The following PCDHGB4 variants were observed in gnomAD, a reference collection of about 807,000 sequenced individuals.
The protein encoded by PCDHGB4 is protocadherin gamma subfamily B, 4.
Under a neutral mutation model 60.5 loss-of-function variants are expected in PCDHGB4, and 38 were observed. The observed-to-expected ratio is 0.63, with a 90% CI of 0.48 to 0.82. The LOEUF (loss-of-function observed/expected upper bound fraction) is 0.82, where lower values mean the gene tolerates loss of function less well. PCDHGB4 is among the 40% of genes least tolerant of loss of function. The pLI, the probability that PCDHGB4 is intolerant of heterozygous loss-of-function variation, is 0.00. For synonymous variants in PCDHGB4, 456 were observed against 509.7 expected (o/e 0.89, Z 1.42); for missense variants, 1,109 against 1,209.6 (o/e 0.92, Z 1.23).
intron 1 of PCDHGB4, chr5:141,404,805 C>T (rs770534822): frequency 1.7e-5 from 28 of 1,613,842 alleles, no homozygotes; most frequent in Admixed American, 6.7e-5. Context: ...GGGCTCTTCT[C>T]GGTGGGGCTG....
At position 141,489,728 on chromosome 5, in the gene PCDHGB4, G is replaced by T; in HGVS notation, c.2398-5079G>T. ...GACAGTGCCCAGGATCCGGATGTGGGCACCAATACTGTGAGCTTTTACACT... is the reference window on the plus strand; with the variant it reads ...GACAGTGCCCAGGATCCGGATGTGGTCACCAATACTGTGAGCTTTTACACT... On this transcript the variant is annotated intron_variant, in intron 1 of 3. Transcript: ENST00000519479. The surrounding 1 kb of genome is among the most constrained non-coding windows in gnomAD (Gnocchi z 4.5). The T allele has an allele frequency of 3.1e-6, 5 of 1,614,138 alleles. No homozygotes were observed. The South Asian group carries it at 5.5e-5, about 18-fold the overall frequency.
chr5:141,423,923 G>A (rs2096790975), intron 1 of PCDHGB4: 2 of 1,254,626 alleles, frequency 1.6e-6, no homozygotes, highest in African/African-American at 1.6e-5. Flanking sequence ...CAACTATGCT[G>A]GTTTGGTTTG....
At chr5:141,502,782 T>C (rs1200280465) in intron 2 of PCDHGB4, among the ~76,000 whole-genome samples, 1 of 152,132 alleles carries the variant, frequency 6.6e-6, no homozygotes, top group African/African-American at 2.4e-5. Context: ...GAAAATTACC[T>C]GGATGATTTC....
Position 141,478,516 on chromosome 5 carries a change from G to A in PCDHGB4, c.2398-16291G>A, listed in dbSNP as rs769702987. The A allele has an allele frequency of 4.3e-6, 7 of 1,610,992 alleles. No homozygotes were observed. In the African/African-American group the frequency reaches 8.0e-5, roughly 18 times the overall value. ...GTGATCCGGTGTTCTATAGGCAGGT[G>A]TTGGGTGCAGAGAGCGCCCCTCCCG... On this transcript the variant is annotated intron_variant, in intron 1 of 3. Transcript: ENST00000519479.
intron 1 of PCDHGB4, chr5:141,399,651 G>A (rs1561671286): frequency 1.2e-6 from 2 of 1,613,738 alleles, no homozygotes; most frequent in Non-Finnish European, 1.7e-6. Flanking sequence ...CGCAAAGTGG[G>A]GTGGTGTTCG....
Position 141,486,277 on chromosome 5 carries a change from G to A in PCDHGB4, c.2398-8530G>A, listed in dbSNP as rs1156704202. 6.2e-7 allele frequency: 1 copy of A among 1,614,020 alleles called. No individual in the cohort carries two copies. The highest frequency in any genetic ancestry group is 1.1e-5 in the South Asian group (1 of 91,056). ...CCGAGAGTGCAGAACCTGGCACTGT[G>A]GTGGCACTTATCAGTGTGCAGGATC... On this transcript the variant is annotated intron_variant, in intron 1 of 3. Transcript: ENST00000519479. The surrounding 1 kb of genome is among the most constrained non-coding windows in gnomAD (Gnocchi z 5.0).
chr5:141,497,413 T>A (rs572922456), intron 2 of PCDHGB4, among the ~76,000 whole-genome samples: 1 of 151,928 alleles, frequency 6.6e-6, no homozygotes, highest in African/African-American at 2.4e-5. Context: ...TCCCATTCCA[T>A]CAAATGAGAG....
At position 141,489,425 on chromosome 5, in the gene PCDHGB4, G is replaced by C. The variant is rs779739693; in HGVS notation, c.2398-5382G>C. On this transcript the variant is annotated intron_variant, in intron 1 of 3. Transcript: ENST00000519479. This position sits in a 1 kb window ranked among gnomAD's most constrained non-coding sequence, Gnocchi z 4.5. ...TTAAAGATGACAGATCTGTTGAGCC[G>C]GCGGCTGCAATTGGGCTCTGAGGAG... The C allele has an allele frequency of 4.3e-6, 7 of 1,614,118 alleles. No individual in the cohort carries two copies. The highest frequency in any genetic ancestry group is 1.1e-5 in the South Asian group (1 of 91,070).
chr5:141,483,444 T>C (rs956913442), intron 1 of PCDHGB4, among the ~76,000 whole-genome samples: 1 of 152,108 alleles, frequency 6.6e-6, no homozygotes, highest in African/African-American at 2.4e-5. Context: ...TACAATAAAA[T>C]CATCAGGACT....
At chr5:141,418,917 C>T in intron 1 of PCDHGB4, 1 of 1,613,988 alleles carries the variant, frequency 6.2e-7, no homozygotes, top group Non-Finnish European at 8.5e-7. Context: ...ACGTCACTCT[C>T]TGATCAGATT....
chr5:141,462,959 G>A lies in PCDHGB4; in HGVS notation c.2398-31848G>A, dbSNP rs188938907. 5.1e-3 allele frequency among the ~76,000 whole-genome samples: 776 copies of A among 152,188 alleles called. 5 individuals are homozygous for A. Among genetic ancestry groups the A allele is most frequent in the Non-Finnish European group, 8.2e-3 (557 of 67,994 alleles). On this transcript the variant is annotated intron_variant, in intron 1 of 3. Transcript: ENST00000519479. ...AAGGCTTGTTTTTAAGCTTTGTTAGGACAGGTCTGTAGTAACTTTTGCCTT... is the reference window on the plus strand; with the variant it reads ...AAGGCTTGTTTTTAAGCTTTGTTAGAACAGGTCTGTAGTAACTTTTGCCTT...
intron 1 of PCDHGB4, chr5:141,409,257 T>C: frequency 6.2e-7 from 1 of 1,614,022 alleles, no homozygotes; most frequent in Non-Finnish European, 8.5e-7. Flanking sequence ...ATCACTTCTC[T>C]CTCTGATCAG....
At chr5:141,481,220 C>T (rs896803040) in intron 1 of PCDHGB4, among the ~76,000 whole-genome samples, 1 of 152,130 alleles carries the variant, frequency 6.6e-6, no homozygotes, top group African/African-American at 2.4e-5. Context: ...GGTAAGGTCT[C>T]CCAGCCTTAA....
intron 1 of PCDHGB4, chr5:141,417,710 T>C: frequency 8.0e-7 from 1 of 1,249,348 alleles, no homozygotes; most frequent in Non-Finnish European, 1.1e-6. Context: ...ACACAGAGGC[T>C]CCCGGCTGCG....
intron 1 of PCDHGB4, chr5:141,414,145 C>T (rs1157390595): frequency 6.3e-7 from 1 of 1,597,566 alleles, no homozygotes; most frequent in Non-Finnish European, 8.5e-7. Context: ...AATAGAAATA[C>T]AAGCAGAAGA....
At chr5:141,478,143 A>G (rs759384540) in intron 1 of PCDHGB4, 72 of 1,614,014 alleles carry the variant, frequency 4.5e-5, no homozygotes, top group Middle Eastern at 3.3e-4. Context: ...GCCCGAGCCG[A>G]GTTCCCCTCT....
chr5:141,394,756 A>G (rs757241753), intron 1 of PCDHGB4: 4 of 1,613,324 alleles, frequency 2.5e-6, no homozygotes, highest in East Asian at 4.5e-5. Flanking sequence ...GCCGTCCAGG[A>G]CCATGGCCAG....
chr5:141,403,136 C>T, intron 1 of PCDHGB4: 1 of 1,614,006 alleles, frequency 6.2e-7, no homozygotes, highest in South Asian at 1.1e-5. Flanking sequence ...GCTGGCGGAG[C>T]GCCGAGTCCG....
intron 1 of PCDHGB4, chr5:141,395,523 C>A: frequency 7.5e-6 from 3 of 400,150 alleles, no homozygotes; most frequent in Non-Finnish European, 1.3e-5. Flanking sequence ...CCCGTCCATA[C>A]TGGTAATTTT....
Sources: allele counts gnomAD v4.1 joint callset (sites outside exome capture counted in the v4.1 genomes callset), GRCh38; gene constraint gnomAD v4.1.1; non-coding constraint Gnocchi (gnomAD v3.1); transcripts MANE v1.5; gene names NCBI Gene and HGNC (gene_info 2026-07-23, HGNC 2026-07-21).